The following GALNT15 variants were observed in gnomAD, a reference collection of about 807,000 sequenced individuals.
GALNT15 encodes UDP-GalNAc transferase T15.
Under a neutral mutation model 66.8 loss-of-function variants are expected in GALNT15, and 67 were observed. The ratio of observed to expected loss-of-function variants is 1.00; its 90% CI spans 0.82 to 1.23. The LOEUF is 1.23. Ranked by LOEUF, GALNT15 falls within the 50% of genes most tolerant of loss-of-function variation. The pLI, the probability that GALNT15 is intolerant of heterozygous loss-of-function variation, is 0.00. For synonymous variants in GALNT15, 313 were observed against 311.5 expected (o/e 1.00, Z -0.05); for missense variants, 827 against 804.3 (o/e 1.03, Z -0.34).
chr3:16,196,413 A>T (rs942563963), intron 2 of GALNT15, among the ~76,000 whole-genome samples: 1 of 152,130 alleles, frequency 6.6e-6, no homozygotes, highest in Non-Finnish European at 1.5e-5. Flanking sequence ...GGGCCCAGAG[A>T]AGACAGCAGA....
chr3:16,214,148 G>A (rs536268969), intron 6 of GALNT15, among the ~76,000 whole-genome samples: 22 of 152,206 alleles, frequency 1.4e-4, no homozygotes, highest in Non-Finnish European at 2.9e-4. Flanking sequence ...AGCCTCCTTC[G>A]TTCCTCCAGG....
At chr3:16,179,443 G>A (rs750541811) in intron 1 of GALNT15, among the ~76,000 whole-genome samples, 2 of 152,268 alleles carry the variant, frequency 1.3e-5, no homozygotes, top group Admixed American at 6.5e-5. Flanking sequence ...GAACTCACAC[G>A]GGTCCATGGG....
the GALNT15 span, among the ~76,000 whole-genome samples, chr3:16,247,822 C>CT: frequency 6.6e-6 from 1 of 152,212 alleles, no homozygotes; most frequent in Admixed American, 6.5e-5. Flanking sequence ...GACCCAGCAC[C>CT]TTTTTAGCAC....
Position 16,211,055 on chromosome 3 carries a change from C to T in GALNT15, c.1080-69C>T. The stretch of plus-strand genomic sequence containing the variant: ...ACTGGAGCTCCCACCTGGGAAGCCC[C>T]AGCCCCCAGCCTCGCCTGCTGTGCT... On this transcript the variant is annotated intron_variant, in intron 4 of 9. Coordinates refer to ENST00000339732, the MANE Select transcript of GALNT15 (RefSeq NM_054110.5). The surrounding 1 kb of genome is among the most constrained non-coding windows in gnomAD (Gnocchi z 4.3). 8.4e-7 allele frequency: 1 copy of T among 1,189,274 alleles called. No homozygotes were observed. Among genetic ancestry groups the T allele is most frequent in the Non-Finnish European group, 1.3e-6 (1 of 799,802 alleles). The allele number at this position is 1,189,274 out of a possible 1,614,324, so 73.7% of individuals were successfully genotyped here.
chr3:16,190,034 C>T (rs1164212798), intron 1 of GALNT15, among the ~76,000 whole-genome samples: 2 of 152,198 alleles, frequency 1.3e-5, no homozygotes, highest in Non-Finnish European at 2.9e-5. Context: ...GCTGAACTAA[C>T]ACATTTTTGA....
chr3:16,208,966 G>T (rs1236409631), intron 4 of GALNT15, among the ~76,000 whole-genome samples: 2 of 152,174 alleles, frequency 1.3e-5, no homozygotes, highest in South Asian at 2.1e-4. Context: ...TTCCGACAGG[G>T]TCTTCCAGAT....
chr3:16,233,094 C>CTTTTTTCT (rs2064099770), downstream of GALNT15, among the ~76,000 whole-genome samples: 1 of 61,208 alleles, frequency 1.6e-5, no homozygotes, highest in African/African-American at 6.6e-5. Context: ...GATAATGCAT[C>CTTTTTTCT]TTTTTTTTTT....
At chr3:16,197,887 A>G (rs2063656731) in intron 2 of GALNT15, among the ~76,000 whole-genome samples, 1 of 151,478 alleles carries the variant, frequency 6.6e-6, no homozygotes, top group South Asian at 2.1e-4. Flanking sequence ...TGAGAATGCC[A>G]AACAACCATC....
chr3:16,221,095 C>A (rs538881851), intron 8 of GALNT15, among the ~76,000 whole-genome samples: 1 of 152,130 alleles, frequency 6.6e-6, no homozygotes, highest in Non-Finnish European at 1.5e-5. Context: ...GTGATCTTGG[C>A]AGGCTTCTTT....
rs995849141 is a variant in GALNT15, at chr3:16,189,946, G to T, written c.540-5814G>T. ...AGTTCTCAGAGAGCTTATGGTACTT[G>T]CCCAGGTCACATAAGGACAGACTGG... On this transcript the variant is annotated intron_variant, in intron 1 of 9. Coordinates refer to ENST00000339732, the MANE Select transcript of GALNT15 (RefSeq NM_054110.5). The surrounding 1 kb of genome is among the most constrained non-coding windows in gnomAD (Gnocchi z 5.1). Among the ~76,000 whole-genome samples, 1 of 152,214 alleles carries T rather than the reference G, an allele frequency of 6.6e-6. No homozygotes were observed. The highest frequency in any genetic ancestry group is 2.1e-4 in the South Asian group (1 of 4,832).
At chr3:16,232,503 TA>T (rs1559698404), downstream of GALNT15, among the ~76,000 whole-genome samples, 216 of 86,028 alleles carry the variant, frequency 2.5e-3, 11 homozygotes, top group African/African-American at 0.01. Context: ...TATATATATA[TA>T]TATATATTTA....
At chr3:16,221,182 T>TA (rs5846909) in intron 8 of GALNT15, among the ~76,000 whole-genome samples, 19 of 144,722 alleles carry the variant, frequency 1.3e-4, no homozygotes, top group East Asian at 1.0e-3. Context: ...AAAAGAAGAA[T>TA]AAAAAAAAAA....
intron 6 of GALNT15, among the ~76,000 whole-genome samples, chr3:16,213,452 C>CAAAAAAAAA (rs3055462): frequency 1.1e-4 from 7 of 63,760 alleles, no homozygotes; most frequent in African/African-American, 2.8e-4. Context: ...AACTCCATCT[C>CAAAAAAAAA]AAAAAAAAAA....
At chr3:16,247,097 AGT>A in the GALNT15 span, among the ~76,000 whole-genome samples, 10,991 of 144,666 alleles carry the variant, frequency 0.076, 419 homozygotes, top group African/African-American at 0.081. Flanking sequence ...CAAAGACTGT[AGT>A]GTGTGTGTGT....
At chr3:16,231,563 T>C (rs2064082167), downstream of GALNT15, among the ~76,000 whole-genome samples, 1 of 152,212 alleles carries the variant, frequency 6.6e-6, no homozygotes, top group South Asian at 2.1e-4. This position sits in a 1 kb window ranked among gnomAD's most constrained non-coding sequence, Gnocchi z 4.1. Flanking sequence ...GCCTGATGGT[T>C]TGGCTTAAAA....
chr3:16,192,751 A>T (rs1485698572), intron 1 of GALNT15, among the ~76,000 whole-genome samples: 1 of 152,220 alleles, frequency 6.6e-6, no homozygotes, highest in African/African-American at 2.4e-5. Context: ...CTAAAACCTT[A>T]CAGGGAAGCT....
rs1247077623 is a variant in GALNT15 at position 16,183,188 on chromosome 3, G to C, written c.539+7498G>C. On this transcript the variant is annotated intron_variant, in intron 1 of 9. Transcript: ENST00000339732. The surrounding 1 kb of genome is among the most constrained non-coding windows in gnomAD (Gnocchi z 5.2). Reference sequence around the variant, plus strand: ...GTTTGGAGAACCTGCACAAAGAGAAGGGGATGGCATGTACCTTGTGACGTC... The same window carrying C: ...GTTTGGAGAACCTGCACAAAGAGAACGGGATGGCATGTACCTTGTGACGTC... The C allele has an allele frequency of 6.6e-6, 1 of 152,294 alleles. No homozygotes were observed. The highest frequency in any genetic ancestry group is 1.5e-5 in the Non-Finnish European group (1 of 68,120). 9.4% of individuals were successfully genotyped at this position (152,294 alleles called of 1,614,324 possible). A position where few individuals can be genotyped will look rare whatever the true frequency, so the allele number is the denominator to read the frequency against.
intron 1 of GALNT15, among the ~76,000 whole-genome samples, chr3:16,194,781 G>A (rs1036598537): frequency 9.9e-5 from 15 of 152,156 alleles, no homozygotes; most frequent in Non-Finnish European, 2.9e-5. Context: ...GCTGAACAGT[G>A]AGAACACATG....
chr3:16,196,270 G>A (rs7639845), intron 2 of GALNT15, among the ~76,000 whole-genome samples: 14,821 of 152,094 alleles, frequency 0.097, 1,083 homozygotes, highest in African/African-American at 0.2. Flanking sequence ...GAATCACATA[G>A]GGCGGCCCTG....
Sources: allele counts gnomAD v4.1 joint callset (sites outside exome capture counted in the v4.1 genomes callset), GRCh38; gene constraint gnomAD v4.1.1; non-coding constraint Gnocchi (gnomAD v3.1); transcripts MANE v1.5; gene names NCBI Gene and HGNC (gene_info 2026-07-23, HGNC 2026-07-21).